The following TTL variants were observed in gnomAD, a reference collection of about 807,000 sequenced individuals.
TTL encodes tubulin--tyrosine ligase.
Under a neutral mutation model 41.1 loss-of-function variants are expected in TTL, and 10 were observed. The ratio of observed to expected loss-of-function variants is 0.24; its 90% CI spans 0.15 to 0.41. The LOEUF is 0.41. Ranked by LOEUF, TTL falls within the 10% of genes least tolerant of loss-of-function variation. The pLI is 1.00. For missense variants in TTL, 367 were observed against 460.4 expected, an observed-to-expected ratio of 0.80 and a Z score of 1.86; for synonymous variants, 175 against 175.5, an observed-to-expected ratio of 1.00 and a Z score of 0.02.
intron 2 of TTL, among the ~76,000 whole-genome samples, chr2:112,493,498 G>C (rs1681446371): frequency 6.6e-6 from 1 of 152,212 alleles, no homozygotes; most frequent in Non-Finnish European, 1.5e-5. Flanking sequence ...CCAGGGGTCT[G>C]ATTGCAGAGT....
chr2:112,495,386 A>T (rs1284757375), intron 3 of TTL, among the ~76,000 whole-genome samples: 1 of 152,290 alleles, frequency 6.6e-6, no homozygotes. Context: ...ATTCTGTCTT[A>T]TTCATCCTTG....
chr2:112,486,244 A>C (rs970096924), intron 2 of TTL, among the ~76,000 whole-genome samples: 4 of 152,172 alleles, frequency 2.6e-5, no homozygotes, highest in Non-Finnish European at 5.9e-5. Context: ...TTCCTGGGGT[A>C]GGATTCTTAA....
Position 112,540,986 on chromosome 2 carries a change from TAACTG to T in TTL, c.*12193_*12197del, listed in dbSNP as rs1303003394. On this transcript the variant is annotated 3_prime_UTR_variant, in exon 7 of 7. Transcript: ENST00000233336. ...CAATAATTTGTTGTACCTTCAAAAATAACTGAGGAAGTACAATTGGAATGTTCATG... is the reference window on the plus strand; with the variant it reads ...CAATAATTTGTTGTACCTTCAAAAATAGGAAGTACAATTGGAATGTTCATG... The T allele has an allele frequency of 6.6e-6, 1 of 152,218 alleles. No homozygotes were observed. Among genetic ancestry groups the T allele is most frequent in the Non-Finnish European group, 1.5e-5 (1 of 68,042 alleles). 9.4% of individuals were successfully genotyped at this position (152,218 alleles called of 1,614,324 possible). A position where few individuals can be genotyped will look rare whatever the true frequency, so the allele number is the denominator to read the frequency against.
At chr2:112,484,234 GTT>G (rs35137372) in intron 1 of TTL, among the ~76,000 whole-genome samples, 81 of 134,966 alleles carry the variant, frequency 6.0e-4, no homozygotes, top group African/African-American at 1.7e-3. Flanking sequence ...GTTTGTATGT[GTT>G]TTTTTTTTTT....
chr2:112,486,855 T>G (rs1413697142), intron 2 of TTL, among the ~76,000 whole-genome samples: 1 of 152,224 alleles, frequency 6.6e-6, no homozygotes, highest in Admixed American at 6.5e-5. Context: ...ATCTTAATTT[T>G]CTTGGCTGTA....
intron 3 of TTL, among the ~76,000 whole-genome samples, chr2:112,497,970 C>T (rs930661863): frequency 4.6e-5 from 7 of 152,316 alleles, no homozygotes; most frequent in African/African-American, 1.7e-4. Flanking sequence ...GAGCAACACA[C>T]AAAACTTAAT....
rs974979544 is a variant in TTL, at chr2:112,540,764, G to A, written c.*11969G>A. Reference sequence around the variant, plus strand: ...TAGTCTTTTTAACAAATGGTGTTAGGACAACTGGATATCCACATGCAAAGG... The same window carrying A: ...TAGTCTTTTTAACAAATGGTGTTAGAACAACTGGATATCCACATGCAAAGG... On this transcript the variant is annotated 3_prime_UTR_variant, in exon 7 of 7. Coordinates refer to ENST00000233336, the MANE Select transcript of TTL (RefSeq NM_153712.5). 6.6e-6 allele frequency: 1 copy of A among 152,188 alleles called. No homozygotes were observed. Among genetic ancestry groups the A allele is most frequent in the African/African-American group, 2.4e-5 (1 of 41,442 alleles). The allele number at this position is 152,188 out of a possible 1,614,324, so 9.4% of individuals were successfully genotyped here.
chr2:112,490,568 C>CTTTTTTTT (rs35722764), intron 2 of TTL, among the ~76,000 whole-genome samples: 2 of 110,684 alleles, frequency 1.8e-5, no homozygotes, highest in Non-Finnish European at 3.5e-5. Context: ...CTTAGTAAAT[C>CTTTTTTTT]TTTTTTTTTT....
rs1681115145 is a variant in TTL, at chr2:112,482,418, G to A, written c.74G>A (p.Gly25Asp). 2 of 1,609,056 alleles carry A rather than the reference G, an allele frequency of 1.2e-6. No homozygotes were observed. Among genetic ancestry groups the A allele is most frequent in the African/African-American group, 1.3e-5 (1 of 74,740 alleles). Residue 25 changes from glycine (G) to aspartate (D), a missense_variant, in exon 1 of 7, where the codon GGC becomes GAC. Transcript: ENST00000233336. The surrounding 1 kb of genome is among the most constrained non-coding windows in gnomAD (Gnocchi z 5.3). Reference protein sequence around the residue: ...AEVSRLLLATGHWKRLRRDNP... With the variant: ...AEVSRLLLATDHWKRLRRDNP... ...GTCTCCCGGCTGCTCCTCGCCACCG[G>A]CCACTGGAAGAGGCTGCGGCGAGAC...
At chr2:112,485,767 C>T in intron 1 of TTL, 150 bp from the exon 2 acceptor site, 1 of 697,782 alleles carries the variant, frequency 1.4e-6, no homozygotes, top group Non-Finnish European at 2.5e-6. Context: ...AAAGAGGGTC[C>T]CTGGGGACAG....
intron 5 of TTL, among the ~76,000 whole-genome samples, chr2:112,503,543 C>G (rs1681757574): frequency 1.3e-5 from 2 of 150,108 alleles, no homozygotes; most frequent in Non-Finnish European, 3.0e-5. Context: ...AAGTGATTCT[C>G]CTGCCTCAGC....
chr2:112,521,438 A>G (rs1175930244), intron 6 of TTL: 3 of 854,678 alleles, frequency 3.5e-6, no homozygotes, highest in Non-Finnish European at 4.2e-6. Flanking sequence ...ATCCTCTTTC[A>G]TGATGTCAAG....
chr2:112,519,367 A>G (rs1018659733), intron 5 of TTL, among the ~76,000 whole-genome samples: 6 of 152,082 alleles, frequency 3.9e-5, no homozygotes, highest in Non-Finnish European at 5.9e-5. Flanking sequence ...TGTTCATTGT[A>G]TTTCCAAAAT....
chr2:112,495,808 T>C (rs375214811), intron 3 of TTL, among the ~76,000 whole-genome samples: 4 of 151,944 alleles, frequency 2.6e-5, no homozygotes, highest in Non-Finnish European at 5.9e-5. Context: ...GATCGCACCT[T>C]CAGCCTGGGT....
intron 2 of TTL, among the ~76,000 whole-genome samples, chr2:112,489,677 A>G (rs1459314163): frequency 2.0e-5 from 3 of 152,210 alleles, no homozygotes; most frequent in African/African-American, 7.2e-5. Context: ...TGCATACTGA[A>G]TCATGTTGTA....
At chr2:112,497,214 CTG>C (rs1361067604) in intron 3 of TTL, among the ~76,000 whole-genome samples, 1 of 152,134 alleles carries the variant, frequency 6.6e-6, no homozygotes, top group African/African-American at 2.4e-5. Flanking sequence ...TGAAGTCTCA[CTG>C]TGTTACCCAG....
intron 5 of TTL, among the ~76,000 whole-genome samples, chr2:112,518,500 A>G (rs1449738011): frequency 6.6e-6 from 1 of 151,922 alleles, no homozygotes; most frequent in Non-Finnish European, 1.5e-5. Flanking sequence ...TCTTTTTAGG[A>G]AAAAAGAAAA....
chr2:112,492,428 T>C (rs1395696191), intron 2 of TTL, among the ~76,000 whole-genome samples: 1 of 151,860 alleles, frequency 6.6e-6, no homozygotes, highest in African/African-American at 2.4e-5. Context: ...CTATTAACAA[T>C]ACAAAAATTA....
chr2:112,518,168 A>G (rs1682123796), intron 5 of TTL, among the ~76,000 whole-genome samples: 1 of 147,416 alleles, frequency 6.8e-6, no homozygotes. Flanking sequence ...GTAGAGAGCC[A>G]GGGTTTCACC....
Sources: allele counts gnomAD v4.1 joint callset (sites outside exome capture counted in the v4.1 genomes callset), GRCh38; gene constraint gnomAD v4.1.1; non-coding constraint Gnocchi (gnomAD v3.1); transcripts MANE v1.5; gene names NCBI Gene and HGNC (gene_info 2026-07-23, HGNC 2026-07-21).